The following NUMA1 variants were observed in gnomAD, a reference collection of about 807,000 sequenced individuals.
NUMA1 encodes the protein SP-H antigen.
NUMA1 carries 62 observed loss-of-function variants against 237.1 expected under a neutral mutation model. The ratio of observed to expected loss-of-function variants is 0.26; its 90% confidence interval spans 0.21 to 0.32. The LOEUF (loss-of-function observed/expected upper bound fraction) is 0.32. NUMA1 is among the 10% of genes least tolerant of loss of function. NUMA1 has a pLI of 1.00. For missense variants in NUMA1, 2,533 were observed against 2,666.5 expected (o/e 0.95, Z 1.10); for synonymous variants, 1,028 against 1,066.1 (o/e 0.96, Z 0.70).
At chr11:72,005,154 G>C (rs1031894299) in intron 23 of NUMA1, 79 bp downstream of exon 23, 13 of 1,430,626 alleles carry the variant, frequency 9.1e-6, no homozygotes, top group Non-Finnish European at 1.1e-5. Context: ...CAGGGCCCTA[G>C]TGCTCAGGCT....
At chr11:72,048,243 T>A (rs1321937001) in intron 2 of NUMA1, among the ~76,000 whole-genome samples, 3 of 148,712 alleles carry the variant, frequency 2.0e-5, no homozygotes, top group African/African-American at 7.5e-5. Context: ...ATAATAGGCA[T>A]GAGCCACTGC....
At chr11:72,016,365 C>G in intron 14 of NUMA1, 43 bp downstream of exon 14, 1 of 1,607,422 alleles carries the variant, frequency 6.2e-7, no homozygotes, top group Non-Finnish European at 8.5e-7. Context: ...GAATGTGAGT[C>G]CACACCAACC....
rs1370169936 is a variant in NUMA1 at position 72,032,023 on chromosome 11, T to G, written c.43-2733A>C. Reference sequence around the variant, plus strand: ...AAGGAAAAATAGCCCAGCATGGTGGTGCATGCCTGTGGTCCTAGCTACTCA... The same window carrying G: ...AAGGAAAAATAGCCCAGCATGGTGGGGCATGCCTGTGGTCCTAGCTACTCA... On this transcript the variant is annotated intron_variant, in intron 3 of 26. Coordinates refer to ENST00000393695, the MANE Select transcript of NUMA1 (RefSeq NM_006185.4). Among the ~76,000 whole-genome samples, 9 of 147,886 alleles carry G rather than the reference T, an allele frequency of 6.1e-5. 1 individual carries two copies. Among genetic ancestry groups the G allele is most frequent in the African/African-American group, 2.2e-4 (9 of 40,420 alleles).
intron 3 of NUMA1, among the ~76,000 whole-genome samples, chr11:72,032,530 G>T (rs1378395440): frequency 6.6e-6 from 1 of 152,160 alleles, no homozygotes; most frequent in Non-Finnish European, 1.5e-5. Flanking sequence ...AAGGAATCTG[G>T]ATTCATCACA....
chr11:72,074,280 G>A (rs1190574374), intron 1 of NUMA1, among the ~76,000 whole-genome samples: 1 of 152,168 alleles, frequency 6.6e-6, no homozygotes, highest in Non-Finnish European at 1.5e-5. Flanking sequence ...TTGAACCTGG[G>A]AGGTGGAAGT....
intron 2 of NUMA1, among the ~76,000 whole-genome samples, chr11:72,059,003 G>C (rs1259000089): frequency 6.6e-6 from 1 of 152,152 alleles, no homozygotes; most frequent in South Asian, 2.1e-4. Context: ...GAGGTATCTA[G>C]AGTAAAATGT....
At chr11:72,016,714 C>T in intron 13 of NUMA1, 184 bp from the exon 14 acceptor site, 1 of 667,314 alleles carries the variant, frequency 1.5e-6, no homozygotes. Context: ...TTCTCTAGAC[C>T]TAGTTCTAAG....
chr11:72,054,276 G>A (rs1347543476), intron 2 of NUMA1, among the ~76,000 whole-genome samples: 1 of 151,858 alleles, frequency 6.6e-6, no homozygotes, highest in Non-Finnish European at 1.5e-5. Context: ...GACCAGCCTG[G>A]CCAACATGGT....
At chr11:72,056,454 T>C (rs1317524467) in intron 2 of NUMA1, among the ~76,000 whole-genome samples, 1 of 151,270 alleles carries the variant, frequency 6.6e-6, no homozygotes, top group African/African-American at 2.4e-5. Context: ...GCCAAGTAGC[T>C]GGGATTCCAG....
At chr11:72,074,692 T>C (rs188481985) in intron 1 of NUMA1, among the ~76,000 whole-genome samples, 46 of 152,250 alleles carry the variant, frequency 3.0e-4, no homozygotes, top group Non-Finnish European at 4.0e-4. Flanking sequence ...TGAGCTATGA[T>C]GACGCCACTG....
chr11:72,024,893 GTTGT>G (rs113239843), intron 4 of NUMA1: 1,919 of 155,244 alleles, frequency 0.012, 45 homozygotes, highest in African/African-American at 0.043. Flanking sequence ...GGACTAGAGT[GTTGT>G]TTGTTTGTTT....
intron 2 of NUMA1, among the ~76,000 whole-genome samples, chr11:72,047,228 G>C (rs1270145766): frequency 6.6e-6 from 1 of 152,120 alleles, no homozygotes; most frequent in Non-Finnish European, 1.5e-5. Flanking sequence ...CCAGAACTTT[G>C]GGAGGCCAAG....
chr11:72,058,380 T>G (rs1942776232), intron 2 of NUMA1, among the ~76,000 whole-genome samples: 1 of 152,100 alleles, frequency 6.6e-6, no homozygotes, highest in Non-Finnish European at 1.5e-5. Flanking sequence ...ACTTATCTCA[T>G]CTAACAATTT....
At chr11:72,041,431 G>A (rs1941655066) in intron 2 of NUMA1, 1 of 152,304 alleles carries the variant, frequency 6.6e-6, no homozygotes, top group African/African-American at 2.4e-5. Flanking sequence ...ATCTTACAGT[G>A]GCCTGCCTGA....
intron 6 of NUMA1, among the ~76,000 whole-genome samples, chr11:72,022,649 T>C (rs1185122489): frequency 6.6e-6 from 1 of 151,468 alleles, no homozygotes; most frequent in African/African-American, 2.4e-5. Flanking sequence ...GATTCCTGCA[T>C]GGCTCAATTC....
In NUMA1 at chr11:72,035,973, C is replaced by T. The variant is rs758022093; in HGVS notation, c.-30G>A. On this transcript the variant is annotated splice_region_variant and 5_prime_UTR_variant, in exon 3 of 27. Transcript: ENST00000393695. ...GTGATGCCAGACAGTCACTCCAATG[C>T]GCCTGGAACCCAAGAGAGGAAGAAA... 25 of 1,611,256 alleles carry T rather than the reference C, an allele frequency of 1.6e-5. No individual in the cohort carries two copies. Among genetic ancestry groups the T allele is most frequent in the East Asian group, 4.5e-5 (2 of 44,878 alleles).
chr11:72,024,805 G>C (rs1939347114), intron 4 of NUMA1: 1 of 161,354 alleles, frequency 6.2e-6, no homozygotes, highest in Admixed American at 6.2e-5. Context: ...AGGAAACAAG[G>C]CTCTGAAGTG....
chr11:72,051,755 C>A (rs1942375359), intron 2 of NUMA1, among the ~76,000 whole-genome samples: 1 of 152,174 alleles, frequency 6.6e-6, no homozygotes, highest in Non-Finnish European at 1.5e-5. Flanking sequence ...CAAGTGTGAG[C>A]CACTGTGCCT....
intron 1 of NUMA1, among the ~76,000 whole-genome samples, chr11:72,076,233 G>A (rs1047554093): frequency 1.3e-5 from 2 of 152,064 alleles, no homozygotes; most frequent in African/African-American, 4.8e-5. Context: ...AATTTGCCGG[G>A]TATGGTGGTG....
Sources: allele counts gnomAD v4.1 joint callset (sites outside exome capture counted in the v4.1 genomes callset), GRCh38; gene constraint gnomAD v4.1.1; transcripts MANE v1.5; gene names NCBI Gene and HGNC (gene_info 2026-07-23, HGNC 2026-07-21).